CLDN4: variants seen among roughly 807,000 people sequenced by gnomAD.
CLDN4 encodes claudin 4, also known as claudin-4.
Under a neutral mutation model 13.7 loss-of-function variants are expected in CLDN4, and 12 were observed. The ratio of observed to expected loss-of-function variants is 0.88; its 90% confidence interval spans 0.56 to 1.42. The LOEUF (loss-of-function observed/expected upper bound fraction) is 1.42, where lower values mean the gene tolerates loss of function less well. CLDN4 is among the 40% of genes most tolerant of loss of function. The pLI is 0.00. For synonymous variants in CLDN4, 152 were observed against 140.6 expected (o/e 1.08, Z -0.57); for missense variants, 252 against 297.4 (o/e 0.85, Z 1.12).
At position 73,831,208 on chromosome 7, in the gene CLDN4, T is replaced by A; in HGVS notation, c.7T>A (p.Ser3Thr). The change falls in exon 1 of 1, where the codon TCC (serine) becomes ACC (threonine). Residue 3 changes from serine (S) to threonine (T), a missense_variant. Physicochemically the swap from Ser to Thr is moderately conservative, Grantham distance 58. Coordinates refer to ENST00000340958, the MANE Select transcript of CLDN4 (RefSeq NM_001305.5). ...CTCCCGTGGACGCTGAACAATGGCCTCCATGGGGCTACAGGTAATGGGCAT... is the reference window on the plus strand; with the variant it reads ...CTCCCGTGGACGCTGAACAATGGCCACCATGGGGCTACAGGTAATGGGCAT... The part of the protein sequence containing the change: MA[S>T]MGLQVMGIAL... 6.4e-7 allele frequency: 1 copy of A among 1,560,024 alleles called. No homozygotes were observed. Among genetic ancestry groups the A allele is most frequent in the Non-Finnish European group, 8.7e-7 (1 of 1,149,422 alleles).
rs1329294301 is a variant in CLDN4 at position 73,831,921 on chromosome 7, G to A, written c.*90G>A. The A allele has an allele frequency of 1.8e-5, 26 of 1,483,922 alleles. No individual in the cohort carries two copies. Among genetic ancestry groups the A allele is most frequent in the African/African-American group, 5.6e-5 (4 of 71,030 alleles). 91.9% of individuals were successfully genotyped at this position (1,483,922 alleles called of 1,614,324 possible). A position where few individuals can be genotyped will look rare whatever the true frequency, so the allele number is the denominator to read the frequency against. On this transcript the variant is annotated 3_prime_UTR_variant, in exon 1 of 1. Coordinates refer to ENST00000340958, the MANE Select transcript of CLDN4 (RefSeq NM_001305.5). The stretch of plus-strand genomic sequence containing the variant: ...TGTGACCCCAGGAGGGCCCTGCCAC[G>A]GGCCACTGGCTGCTGGGGACTGGGG...
rs372233301 is a variant in CLDN4, at chr7:73,831,564, G to C, written c.363G>C (p.Ala121=). ...CCAAGGCCAAGACCATGATCGTGGC[G>C]GGCGTGGTGTTCCTGTTGGCCGGCC... is the stretch of plus-strand genomic sequence containing the variant. ...ESAKAKTMIV[A]GVVFLLAGLM... The change falls in exon 1 of 1, where the codon GCG becomes GCC. Residue 121 remains alanine, a synonymous_variant. Coordinates refer to ENST00000340958, the MANE Select transcript of CLDN4 (RefSeq NM_001305.5). The C allele has an allele frequency of 6.2e-7, 1 of 1,614,172 alleles. No homozygotes were observed. The highest frequency in any genetic ancestry group is 8.5e-7 in the Non-Finnish European group (1 of 1,179,994).
chr7:73,831,685 G>A lies in CLDN4; in HGVS notation c.484G>A (p.Ala162Thr). The A allele has an allele frequency of 1.9e-6, 3 of 1,614,152 alleles. No homozygotes were observed. Among genetic ancestry groups the A allele is most frequent in the Non-Finnish European group, 2.5e-6 (3 of 1,180,020 alleles). The change falls in exon 1 of 1, where the codon GCC becomes ACC. Residue 162 changes from alanine (A) to threonine (T), a missense_variant. Ala to Thr is a moderately conservative substitution (Grantham distance 58). Transcript: ENST00000340958. ...CTCCGGGCAGAAGCGGGAGATGGGT[G>A]CCTCGCTCTACGTCGGCTGGGCCGC... ...VASGQKREMG[A>T]SLYVGWAASG... is the part of the protein sequence containing the mutation.
Position 73,831,500 on chromosome 7 carries a change from TG to T in CLDN4, c.305del (p.Gly102AlafsTer17). 5 of 1,614,050 alleles carry T rather than the reference TG, an allele frequency of 3.1e-6. No homozygotes were observed. The highest frequency in any genetic ancestry group is 4.2e-6 in the Non-Finnish European group (5 of 1,180,000). ...VAALGVLLSV[V>X]GGKCTNCLED... is the part of the protein sequence containing the mutation. ...GCTCTGGGCGTGCTGCTGTCCGTGG[TG>T]GGGGGCAAGTGTACCAACTGCCTGG... On this transcript the variant is annotated frameshift_variant, in exon 1 of 1. Coordinates refer to ENST00000340958, the MANE Select transcript of CLDN4 (RefSeq NM_001305.5). LOFTEE classifies it high-confidence loss of function.
rs782748828 is a variant in CLDN4 at position 73,831,278 on chromosome 7, C to T, written c.77C>T (p.Ala26Val). ...LGWLAVMLCC[A>V]LPMWRVTAFI... ...TGGCTGGCCGTCATGCTGTGCTGCG[C>T]GCTGCCCATGTGGCGCGTGACGGCC... The change falls in exon 1 of 1, where the codon GCG becomes GTG. Residue 26 changes from alanine to valine, a missense_variant. Coordinates refer to ENST00000340958, the MANE Select transcript of CLDN4 (RefSeq NM_001305.5). 1.5e-5 allele frequency: 24 copies of T among 1,612,568 alleles called. No individual in the cohort carries two copies. The highest frequency in any genetic ancestry group is 5.5e-5 in the South Asian group (5 of 90,834).
In CLDN4 at chr7:73,831,738, G is replaced by C. The variant is rs782681015; in HGVS notation, c.537G>C (p.Gly179=). ...CCGGCCTGCTGCTCCTTGGCGGGGG[G>C]CTGCTTTGCTGCAACTGTCCACCCC... is the stretch of plus-strand genomic sequence containing the variant. ...AASGLLLLGG[G]LLCCNCPPRT... Residue 179 remains glycine (G), a synonymous_variant, in exon 1 of 1, where the codon GGG becomes GGC. Transcript: ENST00000340958. 4 of 1,612,736 alleles carry C rather than the reference G, an allele frequency of 2.5e-6. No homozygotes were observed. The highest frequency in any genetic ancestry group is 3.4e-6 in the Non-Finnish European group (4 of 1,179,282).
rs782702331 is a variant in CLDN4 at position 73,831,450 on chromosome 7, C to T, written c.249C>T (p.Leu83=). The T allele has an allele frequency of 1.6e-5, 26 of 1,614,046 alleles. No individual in the cohort carries two copies. Among genetic ancestry groups the T allele is most frequent in the African/African-American group, 1.5e-4 (11 of 74,942 alleles). ...AGGACCTGCAGGCGGCCCGCGCCCT[C>T]GTCATCATCAGCATCATCGTGGCTG... ...LPQDLQAARA[L]VIISIIVAAL... The change falls in exon 1 of 1, where the codon CTC becomes CTT. Residue 83 remains leucine (L), a synonymous_variant. Transcript: ENST00000340958.
rs1788056510 is a variant in CLDN4, at chr7:73,832,535, G to A, written c.*704G>A. On this transcript the variant is annotated 3_prime_UTR_variant, in exon 1 of 1. Coordinates refer to ENST00000340958, the MANE Select transcript of CLDN4 (RefSeq NM_001305.5). ...TCCAAGGACACTAATGAGCCTGGGA[G>A]GGTGGCAGGGAGGAGGGGACAGCTT... The A allele has an allele frequency of 6.0e-6, 1 of 167,122 alleles. No individual in the cohort carries two copies. Among genetic ancestry groups the A allele is most frequent in the South Asian group, 2.1e-4 (1 of 4,834 alleles). The allele number at this position is 167,122 out of a possible 1,614,324, so 10.4% of individuals were successfully genotyped here. A position where few individuals can be genotyped will look rare whatever the true frequency, so the allele number is the denominator to read the frequency against.
chr7:73,832,239 A>G lies in CLDN4; in HGVS notation c.*408A>G, dbSNP rs572543446. 8 of 206,770 alleles carry G rather than the reference A, an allele frequency of 3.9e-5. No homozygotes were observed. In the South Asian group the frequency reaches 5.7e-4, roughly 15 times the overall value. The allele number at this position is 206,770 out of a possible 1,614,324, so 12.8% of individuals were successfully genotyped here. On this transcript the variant is annotated 3_prime_UTR_variant, in exon 1 of 1. Transcript: ENST00000340958. ...TCTCCTCTGTTCCGGGTAGGCCTTG[A>G]TATCACCTCTGGGACTGTGCCTTGC...
Position 73,831,041 on chromosome 7 carries a change from A to G in CLDN4, c.-161A>G. 1 of 849,048 alleles carries G rather than the reference A, an allele frequency of 1.2e-6. No homozygotes were observed. 52.6% of individuals were successfully genotyped at this position (849,048 alleles called of 1,614,324 possible). ...GGCTGGAAGGAACTGGTCTGCTCAC[A>G]CTTGCTGGCTTGCGCATCAGGACTG... On this transcript the variant is annotated 5_prime_UTR_variant, in exon 1 of 1. Transcript: ENST00000340958.
At position 73,831,198 on chromosome 7, in the gene CLDN4, A is replaced by G; in HGVS notation, c.-4A>G. ...AGGTCCTCAACTCCCGTGGACGCTG[A>G]ACAATGGCCTCCATGGGGCTACAGG... On this transcript the variant is annotated 5_prime_UTR_variant, in exon 1 of 1. Coordinates refer to ENST00000340958, the MANE Select transcript of CLDN4 (RefSeq NM_001305.5). The G allele has an allele frequency of 6.4e-7, 1 of 1,551,618 alleles. No homozygotes were observed. The highest frequency in any genetic ancestry group is 8.7e-7 in the Non-Finnish European group (1 of 1,146,188).
At position 73,831,276 on chromosome 7, in the gene CLDN4, C is replaced by T. The variant is rs781795561; in HGVS notation, c.75C>T (p.Cys25=). 60 of 1,612,178 alleles carry T rather than the reference C, an allele frequency of 3.7e-5. No individual in the cohort carries two copies. Among genetic ancestry groups the T allele is most frequent in the Non-Finnish European group, 4.4e-5 (52 of 1,179,126 alleles). ...VLGWLAVMLC[C]ALPMWRVTAF... ...GCTGGCTGGCCGTCATGCTGTGCTG[C>T]GCGCTGCCCATGTGGCGCGTGACGG... Residue 25 remains cysteine, a synonymous_variant, in exon 1 of 1, where the codon TGC becomes TGT. Transcript: ENST00000340958.
At position 73,831,003 on chromosome 7, in the gene CLDN4, C is replaced by CCTGGCAGCTGTCGGCTGGAAGGAA; in HGVS notation, c.-194_-171dup. 1 of 566,550 alleles carries CCTGGCAGCTGTCGGCTGGAAGGAA rather than the reference C, an allele frequency of 1.8e-6. No individual in the cohort carries two copies. Among genetic ancestry groups the CCTGGCAGCTGTCGGCTGGAAGGAA allele is most frequent in the South Asian group, 3.2e-5 (1 of 31,022 alleles). The allele number at this position is 566,550 out of a possible 1,614,324, so 35.1% of individuals were successfully genotyped here. On this transcript the variant is annotated 5_prime_UTR_variant, in exon 1 of 1. Transcript: ENST00000340958. ...TCAACCTGTCCCCGAGAGAGAGTGCCCTGGCAGCTGTCGGCTGGAAGGAAC... is the reference window on the plus strand; with the variant it reads ...TCAACCTGTCCCCGAGAGAGAGTGCCCTGGCAGCTGTCGGCTGGAAGGAACTGGCAGCTGTCGGCTGGAAGGAAC...
Position 73,831,031 on chromosome 7 carries a change from G to GT in CLDN4, c.-170dup, listed in dbSNP as rs1362156557. On this transcript the variant is annotated 5_prime_UTR_variant, in exon 1 of 1. Transcript: ENST00000340958. ...GGCAGCTGTCGGCTGGAAGGAACTG[G>GT]TCTGCTCACACTTGCTGGCTTGCGC... is the stretch of plus-strand genomic sequence containing the variant. 1 of 744,680 alleles carries GT rather than the reference G, an allele frequency of 1.3e-6. No individual in the cohort carries two copies. The highest frequency in any genetic ancestry group is 2.7e-5 in the East Asian group (1 of 36,582). The allele number at this position is 744,680 out of a possible 1,614,324, so 46.1% of individuals were successfully genotyped here. A position where few individuals can be genotyped will look rare whatever the true frequency, so the allele number is the denominator to read the frequency against.
chr7:73,832,139 C>T lies in CLDN4; in HGVS notation c.*308C>T, dbSNP rs918384893. On this transcript the variant is annotated 3_prime_UTR_variant, in exon 1 of 1. Transcript: ENST00000340958. ...CTTCTGCTGGCCAGGATAGCTTAAC[C>T]CTGACTTTGGGATCTGCCTGCATCG... The T allele has an allele frequency of 2.4e-5, 9 of 378,680 alleles. No homozygotes were observed. The highest frequency in any genetic ancestry group is 4.5e-5 in the Non-Finnish European group (9 of 201,782). The allele number at this position is 378,680 out of a possible 1,614,324, so 23.5% of individuals were successfully genotyped here.
rs782377694 is a variant in CLDN4 at position 73,831,257 on chromosome 7, T to C, written c.56T>C (p.Leu19Pro). 1.2e-6 allele frequency: 2 copies of C among 1,605,614 alleles called. No individual in the cohort carries two copies. Among genetic ancestry groups the C allele is most frequent in the Non-Finnish European group, 1.7e-6 (2 of 1,174,406 alleles). The change falls in exon 1 of 1, where the codon CTG becomes CCG. Residue 19 changes from leucine (L) to proline (P), a missense_variant. By Grantham distance (98) the Leu-to-Pro change is moderately conservative. Transcript: ENST00000340958. ...ATCGCGCTGGCCGTCCTGGGCTGGC[T>C]GGCCGTCATGCTGTGCTGCGCGCTG... ...MGIALAVLGW[L>P]AVMLCCALPM...
In CLDN4 at chr7:73,831,822, C is replaced by T; in HGVS notation, c.621C>T (p.Asn207=). 1.3e-6 allele frequency: 2 copies of T among 1,567,096 alleles called. No homozygotes were observed. Among genetic ancestry groups the T allele is most frequent in the Admixed American group, 1.8e-5 (1 of 56,890 alleles). The change falls in exon 1 of 1, where the codon AAC becomes AAT. Residue 207 remains asparagine (N), a synonymous_variant. Coordinates refer to ENST00000340958, the MANE Select transcript of CLDN4 (RefSeq NM_001305.5). The part of the protein sequence containing the change: ...YSAARSAAAS[N]YV Reference sequence around the variant, plus strand: ...CTGCCCGCTCTGCTGCTGCCAGCAACTACGTGTAAGGTGCCACGGCTCCAC... The same window carrying T: ...CTGCCCGCTCTGCTGCTGCCAGCAATTACGTGTAAGGTGCCACGGCTCCAC...
In CLDN4 at chr7:73,831,333, G is replaced by A. The variant is rs1788026904; in HGVS notation, c.132G>A (p.Gln44=). 1.9e-6 allele frequency: 3 copies of A among 1,613,918 alleles called. No homozygotes were observed. The highest frequency in any genetic ancestry group is 2.2e-5 in the South Asian group (2 of 91,082). Residue 44 remains glutamine (Q), a synonymous_variant, in exon 1 of 1, where the codon CAG becomes CAA. Coordinates refer to ENST00000340958, the MANE Select transcript of CLDN4 (RefSeq NM_001305.5). ...TCGGCAGCAACATTGTCACCTCGCA[G>A]ACCATCTGGGAGGGCCTATGGATGA... ...AFIGSNIVTS[Q]TIWEGLWMNC... is the part of the protein sequence containing the mutation.
chr7:73,831,287 T>C lies in CLDN4; in HGVS notation c.86T>C (p.Met29Thr), dbSNP rs782547531. ...LAVMLCCALP[M>T]WRVTAFIGSN... ...GTCATGCTGTGCTGCGCGCTGCCCA[T>C]GTGGCGCGTGACGGCCTTCATCGGC... Residue 29 changes from methionine (M) to threonine (T), a missense_variant, in exon 1 of 1, where the codon ATG (methionine) becomes ACG (threonine). Met to Thr is a moderately conservative substitution (Grantham distance 81). Transcript: ENST00000340958. 6 of 1,613,416 alleles carry C rather than the reference T, an allele frequency of 3.7e-6. No individual in the cohort carries two copies. Among genetic ancestry groups the C allele is most frequent in the Non-Finnish European group, 5.1e-6 (6 of 1,179,764 alleles).
Sources: gnomAD v4.1 joint callset for allele counts on GRCh38, gnomAD v4.1.1 for gene constraint, MANE v1.5 for transcripts, NCBI Gene and HGNC (gene_info 2026-07-23, HGNC 2026-07-21) for gene names.